ACTR3C: variants seen among roughly 807,000 people sequenced by gnomAD.
The protein encoded by ACTR3C is actin related protein 3C.
In ACTR3C, 18 loss-of-function variants were observed where a neutral mutation model predicts 26.3. That is an observed-to-expected ratio of 0.68 (90% CI 0.47 to 1.01). The LOEUF (loss-of-function observed/expected upper bound fraction) is 1.01. Among genes scored for constraint, ACTR3C ranks in the 50% least tolerant of loss-of-function variants. The probability of loss-of-function intolerance (pLI) is 0.00; values close to 1 mark genes in which losing one functional copy is unlikely to be tolerated. For synonymous variants in ACTR3C, 55 were observed against 94.5 expected (o/e 0.58, Z 2.42); for missense variants, 184 against 250.7 (o/e 0.73, Z 1.80).
Position 150,317,473 on chromosome 7 carries a change from GTTAATTATTTTGTGTTTCTCAC to G in ACTR3C, c.-52+5974_-52+5995del, listed in dbSNP as rs1181743000. Reference sequence around the variant, plus strand: ...TTATTAGCTGTAGTAAATTTTGTCAGTTAATTATTTTGTGTTTCTCACTTATGCAATCAAGTCACTTGAAATG... The same window carrying G: ...TTATTAGCTGTAGTAAATTTTGTCAGTTATGCAATCAAGTCACTTGAAATG... On this transcript the variant is annotated intron_variant, in intron 1 of 7. Transcript: ENST00000683684. Among the ~76,000 whole-genome samples the G allele has an allele frequency of 2.0e-5, 3 of 152,264 alleles. No individual in the cohort carries two copies. In the East Asian group the frequency reaches 5.8e-4, roughly 29 times the overall value.
the ACTR3C span, among the ~76,000 whole-genome samples, chr7:150,206,170 C>T: frequency 1.3e-5 from 2 of 152,206 alleles, no homozygotes; most frequent in Non-Finnish European, 2.9e-5. Context: ...CAGTGGTCAT[C>T]CCTGGGCTGC....
At chr7:150,168,704 C>T in the ACTR3C span, among the ~76,000 whole-genome samples, 1 of 150,588 alleles carries the variant, frequency 6.6e-6, no homozygotes, top group African/African-American at 2.5e-5. Flanking sequence ...ACTTAGGCGT[C>T]CTCCACATCC....
At chr7:150,039,637 C>T in the ACTR3C span, among the ~76,000 whole-genome samples, 1 of 147,388 alleles carries the variant, frequency 6.8e-6, no homozygotes, top group African/African-American at 2.5e-5. Flanking sequence ...ACAACTAACA[C>T]CCACAGTCCT....
chr7:149,991,635 C>T, the ACTR3C span, among the ~76,000 whole-genome samples: 27 of 152,204 alleles, frequency 1.8e-4, no homozygotes, highest in Non-Finnish European at 2.2e-4. Context: ...ACCTCAGGCC[C>T]GGTCTCTCCC....
intron 1 of ACTR3C, among the ~76,000 whole-genome samples, chr7:150,317,269 C>A (rs955564603): frequency 6.6e-6 from 1 of 152,014 alleles, no homozygotes; most frequent in Non-Finnish European, 1.5e-5. Flanking sequence ...AGGCTGGTCT[C>A]GAACTTATGG....
the ACTR3C span, among the ~76,000 whole-genome samples, chr7:150,013,207 A>T: frequency 9.1e-5 from 13 of 142,530 alleles, no homozygotes; most frequent in South Asian, 3.1e-3. Flanking sequence ...ATGAGTTAAA[A>T]TCTCTCCTCC....
At chr7:150,014,691 T>G in the ACTR3C span, among the ~76,000 whole-genome samples, 12 of 148,790 alleles carry the variant, frequency 8.1e-5, no homozygotes, top group East Asian at 2.0e-4. Flanking sequence ...CACAGGCGGT[T>G]GTTACCTAAG....
chr7:150,199,207 G>C, the ACTR3C span, among the ~76,000 whole-genome samples: 9 of 139,926 alleles, frequency 6.4e-5, no homozygotes, highest in East Asian at 2.1e-4. Flanking sequence ...GATGGTTGCC[G>C]TGTCTGTGTA....
chr7:150,115,288 C>A, the ACTR3C span, among the ~76,000 whole-genome samples: 2 of 152,170 alleles, frequency 1.3e-5, no homozygotes, highest in Admixed American at 6.5e-5. Flanking sequence ...AAAAGTAGAT[C>A]ATTTTCTCTC....
At chr7:150,209,333 A>AG in the ACTR3C span, among the ~76,000 whole-genome samples, 2 of 143,824 alleles carry the variant, frequency 1.4e-5, no homozygotes, top group African/African-American at 5.9e-5. Flanking sequence ...AGAGAGAGAG[A>AG]AGTGGAAGCA....
chr7:149,948,877 T>C, the ACTR3C span, among the ~76,000 whole-genome samples: 6,850 of 149,050 alleles, frequency 0.046, 149 homozygotes, highest in African/African-American at 0.15. Context: ...CTGGGACAAG[T>C]GTGATCGGGA....
chr7:150,316,701 G>T (rs922731620), intron 1 of ACTR3C, among the ~76,000 whole-genome samples: 1 of 152,080 alleles, frequency 6.6e-6, no homozygotes, highest in Non-Finnish European at 1.5e-5. Context: ...GGCCAGGATG[G>T]TCTCTATCTC....
At chr7:150,047,718 G>A in the ACTR3C span, 18 of 1,168,932 alleles carry the variant, frequency 1.5e-5, no homozygotes, top group Non-Finnish European at 1.8e-5. Context: ...CTGCGCCCGC[G>A]GGCCGAGGGG....
the ACTR3C span, among the ~76,000 whole-genome samples, chr7:150,148,909 C>T: frequency 2.6e-5 from 4 of 151,530 alleles, no homozygotes; most frequent in African/African-American, 4.8e-5. Context: ...GCTGGCGTTG[C>T]CCCCTCATCA....
the ACTR3C span, among the ~76,000 whole-genome samples, chr7:150,230,973 T>A: frequency 1.3e-5 from 2 of 152,218 alleles, no homozygotes; most frequent in Non-Finnish European, 2.9e-5. Context: ...ATTGTTTTCC[T>A]GTTTTAGATA....
At position 150,278,437 on chromosome 7, in the gene ACTR3C, A is replaced by T. The variant is rs143127401; in HGVS notation, c.564+6316T>A. Among the ~76,000 whole-genome samples the T allele has an allele frequency of 2.7e-3, 413 of 152,346 alleles. 3 individuals are homozygous for T. The highest frequency in any genetic ancestry group is 9.3e-3 in the African/African-American group (387 of 41,584). ...TCACCACTGAGCACCATTGGAGAGCACGGACTCGGATTCTCATACTCCTGT... is the reference window on the plus strand; with the variant it reads ...TCACCACTGAGCACCATTGGAGAGCTCGGACTCGGATTCTCATACTCCTGT... On this transcript the variant is annotated intron_variant, in intron 6 of 7. Coordinates refer to ENST00000683684, the MANE Select transcript of ACTR3C (RefSeq NM_001164458.2).
the ACTR3C span, among the ~76,000 whole-genome samples, chr7:150,129,194 T>C: frequency 2.6e-4 from 40 of 152,092 alleles, no homozygotes; most frequent in African/African-American, 9.4e-4. Flanking sequence ...TAAGAGGAAA[T>C]TTATGGCATT....
chr7:150,255,885 A>G (rs1563150342), intron 6 of ACTR3C, among the ~76,000 whole-genome samples: 1 of 152,238 alleles, frequency 6.6e-6, no homozygotes, highest in Non-Finnish European at 1.5e-5. Flanking sequence ...GACTGGGAAA[A>G]TAATATTTTT....
the ACTR3C span, among the ~76,000 whole-genome samples, chr7:149,899,766 A>G: frequency 6.6e-6 from 1 of 151,978 alleles, no homozygotes; most frequent in Non-Finnish European, 1.5e-5. Context: ...CAAGAAAAAA[A>G]AAAGGGAAGA....
Sources: allele counts gnomAD v4.1 joint callset (sites outside exome capture counted in the v4.1 genomes callset), GRCh38; gene constraint gnomAD v4.1.1; transcripts MANE v1.5; gene names NCBI Gene and HGNC (gene_info 2026-07-23, HGNC 2026-07-21).